The following SH3BP5 variants were observed in gnomAD, a reference collection of about 807,000 sequenced individuals.
SH3BP5 encodes SH3 domain-binding protein 5.
A neutral mutation model predicts 43.3 loss-of-function variants in SH3BP5; 22 were observed. That is an observed-to-expected ratio of 0.51 (90% CI 0.36 to 0.73). The LOEUF (loss-of-function observed/expected upper bound fraction) is 0.73. Ranked by LOEUF, SH3BP5 falls within the 30% of genes least tolerant of loss-of-function variation. The pLI is 0.00. For synonymous variants in SH3BP5, 255 were observed against 225.8 expected (o/e 1.13, Z -1.16); for missense variants, 529 against 586.9 (o/e 0.90, Z 1.02).
chr3:15,267,358 G>A (rs930103279), intron 4 of SH3BP5, among the ~76,000 whole-genome samples: 2 of 152,222 alleles, frequency 1.3e-5, no homozygotes, highest in African/African-American at 4.8e-5. Context: ...GCACAGGGAC[G>A]TGATGGGGGA....
At chr3:15,293,526 C>A (rs1435897646) in intron 3 of SH3BP5, among the ~76,000 whole-genome samples, 1 of 152,198 alleles carries the variant, frequency 6.6e-6, no homozygotes, top group Non-Finnish European at 1.5e-5. Flanking sequence ...TTACCCTAGC[C>A]AAGAAGAGGC....
chr3:15,326,105 C>G (rs1435493689), intron 2 of SH3BP5, among the ~76,000 whole-genome samples: 1 of 152,178 alleles, frequency 6.6e-6, no homozygotes, highest in African/African-American at 2.4e-5. Context: ...TATCCAAGGG[C>G]TCTCTGGTTA....
In SH3BP5 at chr3:15,323,705, C is replaced by T. The variant is rs563552444; in HGVS notation, c.201+6799G>A. ...TCTTCCCTCCACCTGCCCTTCCCCACGGCTTTGGGTTTTGGTTATTTCACA... is the reference window on the plus strand; with the variant it reads ...TCTTCCCTCCACCTGCCCTTCCCCATGGCTTTGGGTTTTGGTTATTTCACA... On this transcript the variant is annotated intron_variant, in intron 2 of 8. Coordinates refer to ENST00000383791, the MANE Select transcript of SH3BP5 (RefSeq NM_004844.5). 1.0e-3 allele frequency among the ~76,000 whole-genome samples: 154 copies of T among 152,308 alleles called. 1 individual carries two copies. Among genetic ancestry groups the T allele is most frequent in the South Asian group, 3.3e-3 (16 of 4,828 alleles).
rs893967372 is a variant in SH3BP5 at position 15,255,348 on chromosome 3, A to G, written c.*738T>C. On this transcript the variant is annotated 3_prime_UTR_variant, in exon 9 of 9. Transcript: ENST00000383791. ...AATAAATCCCCTTGGCTGGCAGGAT[A>G]AGGCTTATGCTGTAGAACCTTCTCC... 7 of 152,588 alleles carry G rather than the reference A, an allele frequency of 4.6e-5. No homozygotes were observed. Among genetic ancestry groups the G allele is most frequent in the Non-Finnish European group, 2.9e-5 (2 of 68,042 alleles). The allele number at this position is 152,588 out of a possible 1,614,324, so 9.5% of individuals were successfully genotyped here.
At chr3:15,331,921 T>G (rs1181866343) in intron 1 of SH3BP5, 2 of 212,138 alleles carry the variant, frequency 9.4e-6, no homozygotes, top group African/African-American at 4.7e-5. Flanking sequence ...ATGCCCGCGG[T>G]GCCGCGGCCG....
In SH3BP5 at chr3:15,332,431, G is replaced by A. The variant is rs1400824860; in HGVS notation, c.-23C>T. ...CATGCAGGCAGCCGGCACGCGCGCC[G>A]CGCAGTGGGCTCCGGAGCGCCCCGG... On this transcript the variant is annotated 5_prime_UTR_variant, in exon 1 of 9. Coordinates refer to ENST00000383791, the MANE Select transcript of SH3BP5 (RefSeq NM_004844.5). 1.3e-6 allele frequency: 2 copies of A among 1,526,410 alleles called. No individual in the cohort carries two copies. The highest frequency in any genetic ancestry group is 8.8e-7 in the Non-Finnish European group (1 of 1,142,258). The allele number at this position is 1,526,410 out of a possible 1,614,324, so 94.6% of individuals were successfully genotyped here.
chr3:15,276,882 T>C (rs1696986127), intron 3 of SH3BP5, among the ~76,000 whole-genome samples: 1 of 152,236 alleles, frequency 6.6e-6, no homozygotes. Flanking sequence ...TACTATATAG[T>C]ATATAGATAT....
At chr3:15,308,558 G>C (rs536832654) in intron 2 of SH3BP5, among the ~76,000 whole-genome samples, 2 of 152,260 alleles carry the variant, frequency 1.3e-5, no homozygotes, top group East Asian at 1.9e-4. Flanking sequence ...AGAGAAGGGG[G>C]ACATTCGACC....
At chr3:15,265,129 G>A (rs917493380) in intron 4 of SH3BP5, among the ~76,000 whole-genome samples, 12 of 152,068 alleles carry the variant, frequency 7.9e-5, no homozygotes, top group Admixed American at 2.6e-4. Flanking sequence ...AACTGAAGAA[G>A]TGGCCAGCAC....
At chr3:15,280,905 G>A (rs1697109356) in intron 3 of SH3BP5, among the ~76,000 whole-genome samples, 1 of 152,192 alleles carries the variant, frequency 6.6e-6, no homozygotes, top group Non-Finnish European at 1.5e-5. Context: ...TCCTCCACTG[G>A]GATGCACGAT....
intron 3 of SH3BP5, among the ~76,000 whole-genome samples, chr3:15,271,158 A>G (rs1374523475): frequency 6.6e-6 from 1 of 152,084 alleles, no homozygotes; most frequent in East Asian, 1.9e-4. Flanking sequence ...CAGGAGGACC[A>G]CTTGAGGCCA....
intron 3 of SH3BP5, among the ~76,000 whole-genome samples, chr3:15,294,665 C>A (rs1053164601): frequency 6.6e-6 from 1 of 152,064 alleles, no homozygotes; most frequent in African/African-American, 2.4e-5. Flanking sequence ...TGACAGCCCC[C>A]GCACAGAGCA....
intron 3 of SH3BP5, among the ~76,000 whole-genome samples, chr3:15,277,027 T>C (rs746887620): frequency 1.3e-5 from 2 of 152,158 alleles, no homozygotes; most frequent in Non-Finnish European, 2.9e-5. Context: ...CTCGGCTCAC[T>C]GCAATCTCCA....
intron 4 of SH3BP5, among the ~76,000 whole-genome samples, chr3:15,265,844 A>G (rs190559594): frequency 9.9e-4 from 151 of 152,192 alleles, no homozygotes; most frequent in Admixed American, 4.9e-3. Context: ...GATACTGCTC[A>G]GCCCCGGACC....
chr3:15,297,124 T>C (rs1266238160), intron 3 of SH3BP5, among the ~76,000 whole-genome samples: 1 of 152,206 alleles, frequency 6.6e-6, no homozygotes, highest in Non-Finnish European at 1.5e-5. Context: ...CCCATTTCAT[T>C]TCATTCAAAA....
intron 3 of SH3BP5, among the ~76,000 whole-genome samples, chr3:15,299,743 A>G (rs1697681138): frequency 6.6e-6 from 1 of 152,060 alleles, no homozygotes. Context: ...AAACTCTTCA[A>G]AGAAAATCAA....
chr3:15,320,640 A>C (rs9872140), intron 2 of SH3BP5, among the ~76,000 whole-genome samples: 41 of 149,668 alleles, frequency 2.7e-4, no homozygotes, highest in Middle Eastern at 3.4e-3. Context: ...ACACACACAC[A>C]CCCCACTACG....
intron 2 of SH3BP5, 25 bp downstream of exon 2, chr3:15,330,479 A>G (rs1159629636): frequency 6.3e-6 from 10 of 1,599,024 alleles, no homozygotes; most frequent in Non-Finnish European, 8.6e-6. Flanking sequence ...CACTTCACCA[A>G]GAACAGGAAC....
rs556073591 is a variant in SH3BP5 at position 15,312,547 on chromosome 3, T to C, written c.202-8316A>G. Among the ~76,000 whole-genome samples the C allele has an allele frequency of 3.9e-4, 59 of 152,324 alleles. 2 individuals are homozygous for C. Among genetic ancestry groups the C allele is most frequent in the Admixed American group, 3.5e-3 (54 of 15,300 alleles). ...ACGCCACCTGCCCTCAGGCCTGCTC[T>C]ACATAAACCCCTCTTGAACCAAAGA... On this transcript the variant is annotated intron_variant, in intron 2 of 8. Coordinates refer to ENST00000383791, the MANE Select transcript of SH3BP5 (RefSeq NM_004844.5).
Sources: allele counts gnomAD v4.1 joint callset (sites outside exome capture counted in the v4.1 genomes callset), GRCh38; gene constraint gnomAD v4.1.1; transcripts MANE v1.5; gene names NCBI Gene and HGNC (gene_info 2026-07-23, HGNC 2026-07-21).